The following ZNF385D variants were observed in gnomAD, a reference collection of about 807,000 sequenced individuals.
The protein encoded by ZNF385D is zinc finger protein 659.
ZNF385D carries 15 observed loss-of-function variants against 35.8 expected under a neutral mutation model. That is an observed-to-expected ratio of 0.42 (90% CI 0.28 to 0.64). ZNF385D has a LOEUF of 0.64. ZNF385D is among the 30% of genes least tolerant of loss of function. The pLI is 0.23. For synonymous variants in ZNF385D, 212 were observed against 186.8 expected (o/e 1.13, Z -1.10); for missense variants, 474 against 494.6 (o/e 0.96, Z 0.39).
chr3:22,010,050 CA>C (rs1484359192), intron 3 of ZNF385D, among the ~76,000 whole-genome samples: 17 of 151,824 alleles, frequency 1.1e-4, no homozygotes, highest in African/African-American at 4.1e-4. Flanking sequence ...ATCAAAATCC[CA>C]CAATTAAGCT....
intron 2 of ZNF385D, among the ~76,000 whole-genome samples, chr3:22,367,777 G>A (rs559970541): frequency 7.4e-4 from 112 of 152,028 alleles, no homozygotes; most frequent in Non-Finnish European, 1.3e-3. Flanking sequence ...TACAAATTGC[G>A]GAGAATAACT....
intron 2 of ZNF385D, among the ~76,000 whole-genome samples, chr3:22,240,645 A>G (rs948700696): frequency 4.0e-5 from 6 of 151,024 alleles, no homozygotes; most frequent in African/African-American, 9.8e-5. Context: ...GGTTGCAGCA[A>G]TTGACCCACA....
chr3:22,025,052 G>A (rs1259226691), intron 3 of ZNF385D, among the ~76,000 whole-genome samples: 3 of 152,170 alleles, frequency 2.0e-5, no homozygotes, highest in Admixed American at 6.5e-5. Flanking sequence ...TGATTAAAAA[G>A]AATGGGACCC....
intron 3 of ZNF385D, among the ~76,000 whole-genome samples, chr3:21,921,084 G>A (rs1242668351): frequency 2.6e-5 from 4 of 151,624 alleles, no homozygotes; most frequent in Non-Finnish European, 5.9e-5. Context: ...AATAGCCGGC[G>A]TGATGGCGGG....
At chr3:22,129,854 C>G (rs1057027390) in intron 3 of ZNF385D, among the ~76,000 whole-genome samples, 6 of 151,912 alleles carry the variant, frequency 3.9e-5, no homozygotes, top group Non-Finnish European at 7.4e-5. Flanking sequence ...GTTGTAAGAC[C>G]CTTCCCTCTC....
At chr3:21,474,470 C>T (rs1235189301) in intron 4 of ZNF385D, among the ~76,000 whole-genome samples, 2 of 152,052 alleles carry the variant, frequency 1.3e-5, no homozygotes, top group Non-Finnish European at 2.9e-5. Flanking sequence ...GAGAGTAACA[C>T]GAGGTTCTGG....
chr3:22,094,630 G>A (rs1701518131), intron 3 of ZNF385D, among the ~76,000 whole-genome samples: 1 of 151,938 alleles, frequency 6.6e-6, no homozygotes, highest in African/African-American at 2.4e-5. Flanking sequence ...AGCCATCCCA[G>A]TGAGAAGCTT....
intron 3 of ZNF385D, among the ~76,000 whole-genome samples, chr3:22,040,766 G>T (rs553692075): frequency 5.3e-5 from 8 of 152,068 alleles, no homozygotes; most frequent in African/African-American, 1.9e-4. Context: ...ATAGAAGGCT[G>T]ATAGAATCAG....
intron 3 of ZNF385D, among the ~76,000 whole-genome samples, chr3:21,562,750 A>G (rs1419273011): frequency 2.0e-5 from 3 of 151,718 alleles, no homozygotes; most frequent in Non-Finnish European, 4.4e-5. Context: ...ATAAAACTAT[A>G]TAATTGTTTG....
At chr3:21,792,971 T>C (rs2071991587) in intron 3 of ZNF385D, among the ~76,000 whole-genome samples, 1 of 152,172 alleles carries the variant, frequency 6.6e-6, no homozygotes. Context: ...CTCAGGAAAA[T>C]GTGCCTACAT....
chr3:22,110,425 T>G (rs1000434934), intron 3 of ZNF385D, among the ~76,000 whole-genome samples: 7 of 152,080 alleles, frequency 4.6e-5, no homozygotes, highest in African/African-American at 1.4e-4. Context: ...TAAGAAAATG[T>G]GGCACATATA....
intron 3 of ZNF385D, among the ~76,000 whole-genome samples, chr3:22,154,766 A>G (rs551553293): frequency 6.6e-6 from 1 of 152,188 alleles, no homozygotes; most frequent in African/African-American, 2.4e-5. Flanking sequence ...GGCATTGCTC[A>G]TAAGAGTAAG....
intron 3 of ZNF385D, among the ~76,000 whole-genome samples, chr3:22,137,308 C>T (rs920247177): frequency 6.6e-6 from 1 of 152,112 alleles, no homozygotes; most frequent in African/African-American, 2.4e-5. Context: ...GGAATCCTCC[C>T]TAACTCATTT....
intron 3 of ZNF385D, among the ~76,000 whole-genome samples, chr3:22,036,680 A>G (rs1338111804): frequency 1.3e-5 from 2 of 151,898 alleles, no homozygotes; most frequent in Non-Finnish European, 2.9e-5. Flanking sequence ...TTTAGAATAC[A>G]ATACGAGAAA....
intron 3 of ZNF385D, among the ~76,000 whole-genome samples, chr3:21,829,324 AAAT>A (rs1694843361): frequency 6.6e-6 from 1 of 152,166 alleles, no homozygotes; most frequent in African/African-American, 2.4e-5. Flanking sequence ...CTTGAGATCC[AAAT>A]AATGAGAAGG....
At chr3:22,060,501 T>C (rs971188739) in intron 3 of ZNF385D, among the ~76,000 whole-genome samples, 2 of 152,312 alleles carry the variant, frequency 1.3e-5, no homozygotes, top group Non-Finnish European at 2.9e-5. Context: ...AATTAAACCA[T>C]TACTTTGTCA....
intron 3 of ZNF385D, among the ~76,000 whole-genome samples, chr3:21,873,611 A>G (rs1430442768): frequency 6.6e-6 from 1 of 152,096 alleles, no homozygotes; most frequent in Non-Finnish European, 1.5e-5. Context: ...CTGAAATTGT[A>G]TACCTATTGA....
At chr3:22,227,234 C>T (rs980982185) in intron 2 of ZNF385D, among the ~76,000 whole-genome samples, 3 of 152,062 alleles carry the variant, frequency 2.0e-5, no homozygotes, top group African/African-American at 7.2e-5. Flanking sequence ...TTCCTAACTC[C>T]CATAACCGTT....
intron 3 of ZNF385D, among the ~76,000 whole-genome samples, chr3:21,836,163 T>C (rs11924360): frequency 0.14 from 9,212 of 65,666 alleles, 944 homozygotes; most frequent in African/African-American, 0.4. Context: ...ATGCTGTTCA[T>C]TGTTTAGTCT....
Sources: gnomAD v4.1 joint callset for allele counts (sites outside exome capture counted in the v4.1 genomes callset) on GRCh38, gnomAD v4.1.1 for gene constraint, MANE v1.5 for transcripts, NCBI Gene and HGNC (gene_info 2026-07-23, HGNC 2026-07-21) for gene names.